The following SEL1L3 variants were observed in gnomAD, a reference collection of about 807,000 sequenced individuals.
The protein encoded by SEL1L3 is protein sel-1 homolog 3.
A neutral mutation model predicts 142.8 loss-of-function variants in SEL1L3; 76 were observed. The ratio of observed to expected loss-of-function variants is 0.53; its 90% CI spans 0.44 to 0.64. The LOEUF is 0.64. Ranked by LOEUF, SEL1L3 falls within the 30% of genes least tolerant of loss-of-function variation. SEL1L3 has a pLI of 0.00. For missense variants in SEL1L3, 1,262 were observed against 1,381.7 expected, an observed-to-expected ratio of 0.91 and a Z score of 1.37; for synonymous variants, 504 against 519.6, an observed-to-expected ratio of 0.97 and a Z score of 0.41.
chr4:25,764,613 CTGCTAATTTCTTG>C (rs1206043003), intron 20 of SEL1L3, among the ~76,000 whole-genome samples: 10 of 152,294 alleles, frequency 6.6e-5, no homozygotes, highest in African/African-American at 2.4e-4. Flanking sequence ...TGTGGATGCA[CTGCTAATTTCTTG>C]AGTTTCTACC....
intron 18 of SEL1L3, 32 bp downstream of exon 18, chr4:25,767,708 G>A: frequency 2.0e-6 from 3 of 1,499,878 alleles, no homozygotes; most frequent in Non-Finnish European, 2.7e-6. Context: ...TAACCTCAGA[G>A]CTTCTACTCT....
chr4:25,715,642 G>T, the SEL1L3 span, among the ~76,000 whole-genome samples: 2 of 151,164 alleles, frequency 1.3e-5, no homozygotes, highest in East Asian at 1.9e-4. Context: ...ACCATTGTTT[G>T]TAACAACAAA....
At chr4:25,801,157 C>A (rs1027423483) in intron 11 of SEL1L3, among the ~76,000 whole-genome samples, 1 of 152,222 alleles carries the variant, frequency 6.6e-6, no homozygotes, top group Middle Eastern at 3.2e-3. Flanking sequence ...AATCCCAGCA[C>A]TTTGGGAGGG....
At chr4:25,757,487 C>CCTT (rs1718058851) in intron 23 of SEL1L3, 47 bp downstream of exon 23, 2 of 838,140 alleles carry the variant, frequency 2.4e-6, no homozygotes, top group Non-Finnish European at 3.4e-6. Flanking sequence ...AAAATCCCTG[C>CCTT]TTTTTTTTTT....
the SEL1L3 span, among the ~76,000 whole-genome samples, chr4:25,728,752 C>T: frequency 6.6e-6 from 1 of 151,750 alleles, no homozygotes; most frequent in South Asian, 2.1e-4. Flanking sequence ...CATGGCAAAA[C>T]CCCGTGTCTA....
At chr4:25,773,396 G>A (rs1719372673) in intron 17 of SEL1L3, 1 of 152,064 alleles carries the variant, frequency 6.6e-6, no homozygotes, top group South Asian at 2.1e-4. Flanking sequence ...TAGCTTTATG[G>A]CTGTTCATTT....
At chr4:25,758,837 C>T in intron 21 of SEL1L3, 104 bp downstream of exon 21, 1 of 1,240,564 alleles carries the variant, frequency 8.1e-7, no homozygotes, top group Non-Finnish European at 1.1e-6. Context: ...TTTTAAATAA[C>T]AATTTACATT....
At chr4:25,751,915 C>T (rs1291861401) in intron 23 of SEL1L3, among the ~76,000 whole-genome samples, 4 of 151,288 alleles carry the variant, frequency 2.6e-5, no homozygotes, top group African/African-American at 9.7e-5. Context: ...TGGAGACCAG[C>T]CTAACCAACA....
intron 23 of SEL1L3, chr4:25,756,660 C>T (rs1024869417): frequency 1.4e-5 from 14 of 1,030,640 alleles, no homozygotes; most frequent in Non-Finnish European, 1.5e-5. Flanking sequence ...GCAGGGCTCC[C>T]TTGTCCTTAA....
chr4:25,838,631 C>T (rs914709430), intron 2 of SEL1L3, among the ~76,000 whole-genome samples: 1 of 152,176 alleles, frequency 6.6e-6, no homozygotes, highest in Admixed American at 6.5e-5. Context: ...ATTGATGTCA[C>T]CTTGAACCTC....
chr4:25,826,438 T>C (rs1715099893), intron 6 of SEL1L3, among the ~76,000 whole-genome samples: 1 of 152,108 alleles, frequency 6.6e-6, no homozygotes, highest in African/African-American at 2.4e-5. Context: ...ACTGGAAATA[T>C]CTGATGTTTA....
At chr4:25,761,075 G>GCA (rs575036237) in intron 20 of SEL1L3, among the ~76,000 whole-genome samples, 311 of 152,190 alleles carry the variant, frequency 2.0e-3, no homozygotes, top group African/African-American at 6.6e-3. Flanking sequence ...TCTTTAAGAT[G>GCA]CACACACACA....
intron 16 of SEL1L3, among the ~76,000 whole-genome samples, chr4:25,777,089 C>T (rs1719686998): frequency 6.6e-6 from 1 of 151,834 alleles, no homozygotes; most frequent in Non-Finnish European, 1.5e-5. Flanking sequence ...TTACATGCTG[C>T]TTACAAGAGC....
chr4:25,863,372 C>G, upstream of SEL1L3: 1 of 673,688 alleles, frequency 1.5e-6, no homozygotes, highest in Non-Finnish European at 2.7e-6. Flanking sequence ...CCTTTTCCTC[C>G]CTTTCCTCTT....
the SEL1L3 span, among the ~76,000 whole-genome samples, chr4:25,714,200 G>A: frequency 6.6e-6 from 1 of 152,094 alleles, no homozygotes; most frequent in South Asian, 2.1e-4. Context: ...AAGTGAGGGG[G>A]CCTGCAGTAG....
At chr4:25,750,259 AG>A (rs1577548023) in intron 23 of SEL1L3, among the ~76,000 whole-genome samples, 1 of 150,738 alleles carries the variant, frequency 6.6e-6, no homozygotes, top group African/African-American at 2.4e-5. Flanking sequence ...AAAAAAAGAA[AG>A]AAAAAAGAAA....
chr4:25,859,548 C>G (rs1717549095), intron 1 of SEL1L3, among the ~76,000 whole-genome samples: 1 of 152,192 alleles, frequency 6.6e-6, no homozygotes, highest in South Asian at 2.1e-4. Context: ...CCTGTGAGGG[C>G]AGGTGCTTAA....
chr4:25,814,516 T>C (rs1218142551), intron 9 of SEL1L3, among the ~76,000 whole-genome samples: 1 of 152,208 alleles, frequency 6.6e-6, no homozygotes, highest in African/African-American at 2.4e-5. Flanking sequence ...GAGGATGTTC[T>C]AATAAAGTCT....
At chr4:25,736,184 G>C in the SEL1L3 span, among the ~76,000 whole-genome samples, 7 of 141,086 alleles carry the variant, frequency 5.0e-5, no homozygotes, top group Non-Finnish European at 1.1e-4. Flanking sequence ...ATTCATTTCC[G>C]TTGTGGTCAG....
Sources: allele counts gnomAD v4.1 joint callset (sites outside exome capture counted in the v4.1 genomes callset), GRCh38; gene constraint gnomAD v4.1.1; transcripts MANE v1.5; gene names NCBI Gene and HGNC (gene_info 2026-07-23, HGNC 2026-07-21).